MRPL1: variants seen among roughly 807,000 people sequenced by gnomAD.
The protein encoded by MRPL1 is large ribosomal subunit protein uL1m.
In MRPL1, 28 loss-of-function variants were observed where a neutral mutation model predicts 38.0. The ratio of observed to expected loss-of-function variants is 0.74; its 90% CI spans 0.55 to 1.01. The LOEUF is 1.01. Ranked by LOEUF, MRPL1 falls within the 50% of genes least tolerant of loss-of-function variation. The pLI, the probability that MRPL1 is intolerant of heterozygous loss-of-function variation, is 0.00. For missense variants in MRPL1, 358 were observed against 389.8 expected, an observed-to-expected ratio of 0.92 and a Z score of 0.69; for synonymous variants, 123 against 126.7, an observed-to-expected ratio of 0.97 and a Z score of 0.20.
intron 6 of MRPL1, among the ~76,000 whole-genome samples, chr4:77,897,338 TG>T (rs1319355463): frequency 1.3e-5 from 2 of 152,140 alleles, no homozygotes; most frequent in African/African-American, 4.8e-5. Flanking sequence ...CCCAAAGTGC[TG>T]GGATTACAGG....
chr4:77,947,446 A>G (rs1282476997), intron 7 of MRPL1, among the ~76,000 whole-genome samples: 3 of 152,140 alleles, frequency 2.0e-5, no homozygotes, highest in Non-Finnish European at 4.4e-5. Flanking sequence ...TTCAAGATCA[A>G]CCCTGTCCCT....
intron 7 of MRPL1, among the ~76,000 whole-genome samples, chr4:77,914,261 A>G (rs533824355): frequency 1.3e-5 from 2 of 152,170 alleles, no homozygotes; most frequent in African/African-American, 4.8e-5. Context: ...TATTCAGAAA[A>G]AGCAAAAGTA....
chr4:77,870,471 A>G (rs1735256353), intron 1 of MRPL1, among the ~76,000 whole-genome samples: 2 of 152,206 alleles, frequency 1.3e-5, no homozygotes, highest in Admixed American at 6.6e-5. Context: ...TCTCAAATGT[A>G]TGCATGTACA....
intron 7 of MRPL1, 76 bp downstream of exon 7, chr4:77,909,448 TA>T: frequency 1.1e-6 from 1 of 919,790 alleles, no homozygotes; most frequent in Non-Finnish European, 1.7e-6. Flanking sequence ...TATAATATTA[TA>T]AAATGCCAGT....
chr4:77,867,553 C>CT (rs757564686), intron 1 of MRPL1, among the ~76,000 whole-genome samples: 2 of 92,804 alleles, frequency 2.2e-5, no homozygotes, highest in South Asian at 3.6e-4. Context: ...TTTTCTTTTT[C>CT]TTTTCTTTTC....
At chr4:77,870,824 A>G (rs1313800738) in intron 1 of MRPL1, among the ~76,000 whole-genome samples, 1 of 152,168 alleles carries the variant, frequency 6.6e-6, no homozygotes, top group Non-Finnish European at 1.5e-5. Context: ...AAGAATAATA[A>G]TAGCTTGAAA....
chr4:77,929,811 G>A (rs1736805308), intron 7 of MRPL1, among the ~76,000 whole-genome samples: 2 of 151,330 alleles, frequency 1.3e-5, no homozygotes, highest in South Asian at 4.2e-4. Context: ...GAAAGCATAA[G>A]TTGCCCTTAA....
intron 2 of MRPL1, among the ~76,000 whole-genome samples, chr4:77,882,564 G>A (rs879087561): frequency 1.2e-4 from 19 of 152,194 alleles, no homozygotes; most frequent in Admixed American, 5.2e-4. Flanking sequence ...TTGATATTTG[G>A]TATAAATGGA....
At chr4:77,939,247 G>T (rs1310217038) in intron 7 of MRPL1, among the ~76,000 whole-genome samples, 1 of 152,202 alleles carries the variant, frequency 6.6e-6, no homozygotes, top group African/African-American at 2.4e-5. Context: ...GCAGGGGTAA[G>T]GTGGTATCGC....
At chr4:77,881,030 G>T (rs1735525568) in intron 2 of MRPL1, among the ~76,000 whole-genome samples, 1 of 152,214 alleles carries the variant, frequency 6.6e-6, no homozygotes, top group African/African-American at 2.4e-5. Flanking sequence ...TGAAAAGGCA[G>T]AAATGCAAAC....
In MRPL1 at chr4:77,885,309, C is replaced by T. The variant is rs369389808; in HGVS notation, c.456C>T (p.Ser152=). Residue 152 remains serine, a synonymous_variant, in exon 4 of 9, where the codon TCC becomes TCT. Coordinates refer to ENST00000315567, the MANE Select transcript of MRPL1 (RefSeq NM_020236.4). Reference sequence around the variant, plus strand: ...TTAGTTTGCCATACCCATTTGCTTCCGAAATCAATAAAGTTGCTGTATTTA... The same window carrying T: ...TTAGTTTGCCATACCCATTTGCTTCTGAAATCAATAAAGTTGCTGTATTTA... ...SVLSLPYPFA[S]EINKVAVFTE... is the part of the protein sequence containing the mutation. 1.0e-4 allele frequency: 167 copies of T among 1,613,650 alleles called. No individual in the cohort carries two copies. Among genetic ancestry groups the T allele is most frequent in the Middle Eastern group, 1.6e-4 (1 of 6,084 alleles).
chr4:77,919,341 G>T (rs1476043638), intron 7 of MRPL1, among the ~76,000 whole-genome samples: 1 of 151,958 alleles, frequency 6.6e-6, no homozygotes, highest in Non-Finnish European at 1.5e-5. Flanking sequence ...CACTTACATT[G>T]TTGCTGGGTT....
At chr4:77,938,972 G>A (rs1184644968) in intron 7 of MRPL1, among the ~76,000 whole-genome samples, 1 of 152,126 alleles carries the variant, frequency 6.6e-6, no homozygotes, top group African/African-American at 2.4e-5. Context: ...GGTTACAGGA[G>A]TAAGTTCTTT....
At chr4:77,899,805 A>G (rs1735997400) in intron 6 of MRPL1, among the ~76,000 whole-genome samples, 1 of 152,240 alleles carries the variant, frequency 6.6e-6, no homozygotes, top group African/African-American at 2.4e-5. Context: ...AGAAGAGCCT[A>G]AAAACACAGA....
intron 8 of MRPL1, among the ~76,000 whole-genome samples, chr4:77,952,064 T>C (rs763126708): frequency 1.3e-5 from 2 of 152,182 alleles, no homozygotes; most frequent in Non-Finnish European, 2.9e-5. Context: ...GTTAGTTTGT[T>C]TTTGAACTGC....
chr4:77,929,130 A>G (rs999780174), intron 7 of MRPL1, among the ~76,000 whole-genome samples: 3 of 152,228 alleles, frequency 2.0e-5, no homozygotes, highest in Admixed American at 1.3e-4. Flanking sequence ...GGCTTTATTT[A>G]AAAAGCAGTG....
At chr4:77,942,793 A>G (rs182948251) in intron 7 of MRPL1, among the ~76,000 whole-genome samples, 1 of 152,284 alleles carries the variant, frequency 6.6e-6, no homozygotes, top group African/African-American at 2.4e-5. Flanking sequence ...TCTCTTGAAG[A>G]CAGCAGATAC....
intron 7 of MRPL1, among the ~76,000 whole-genome samples, chr4:77,909,965 C>T (rs1313834043): frequency 2.0e-5 from 3 of 152,268 alleles, no homozygotes; most frequent in African/African-American, 7.2e-5. Flanking sequence ...ACTAAAGAAT[C>T]TCTAAAGTGC....
chr4:77,869,013 T>G (rs755483205), intron 1 of MRPL1, among the ~76,000 whole-genome samples: 4 of 152,184 alleles, frequency 2.6e-5, no homozygotes, highest in Non-Finnish European at 4.4e-5. Context: ...GAGGGCCAAG[T>G]GTAGAAGACA....
Sources: gnomAD v4.1 joint callset for allele counts (sites outside exome capture counted in the v4.1 genomes callset) on GRCh38, gnomAD v4.1.1 for gene constraint, MANE v1.5 for transcripts, NCBI Gene and HGNC (gene_info 2026-07-23, HGNC 2026-07-21) for gene names.